The following TBC1D19 variants were observed in gnomAD, a reference collection of about 807,000 sequenced individuals.
TBC1D19 encodes the protein TBC1 domain family member 19.
In TBC1D19, 60 loss-of-function variants were observed where a neutral mutation model predicts 89.0. That is an observed-to-expected ratio of 0.67 (90% CI 0.55 to 0.84). TBC1D19 has a LOEUF of 0.84. Ranked by LOEUF, TBC1D19 falls within the 40% of genes least tolerant of loss-of-function variation. The pLI, the probability that TBC1D19 is intolerant of heterozygous loss-of-function variation, is 0.00. For missense variants in TBC1D19, 500 were observed against 610.8 expected (o/e 0.82, Z 1.91); for synonymous variants, 189 against 199.7 (o/e 0.95, Z 0.45).
chr4:26,669,713 T>A (rs550394069), intron 9 of TBC1D19, among the ~76,000 whole-genome samples: 69 of 151,766 alleles, frequency 4.5e-4, no homozygotes, highest in Non-Finnish European at 9.1e-4. Context: ...TATTAGAAAA[T>A]GAGAATTGGC....
At chr4:26,605,052 A>C (rs1248608484) in intron 1 of TBC1D19, among the ~76,000 whole-genome samples, 1 of 151,628 alleles carries the variant, frequency 6.6e-6, no homozygotes, top group Admixed American at 6.6e-5. Flanking sequence ...TTTTATTTTT[A>C]TTTTTTTATT....
chr4:26,652,398 TA>T lies in TBC1D19; in HGVS notation c.481-7198del, dbSNP rs551439189. Reference sequence around the variant, plus strand: ...TTATTGCCTCAATTTCAGAGCCTGTTATTTTTTTGTTTTTCCTTTTTGTGGA... The same window carrying T: ...TTATTGCCTCAATTTCAGAGCCTGTTTTTTTTTGTTTTTCCTTTTTGTGGA... On this transcript the variant is annotated intron_variant, in intron 7 of 20. Transcript: ENST00000264866. Among the ~76,000 whole-genome samples, 17 of 152,292 alleles carry T rather than the reference TA, an allele frequency of 1.1e-4. No individual in the cohort carries two copies. The South Asian group carries it at 3.1e-3, about 28-fold the overall frequency.
At chr4:26,733,502 G>A (rs961514598) in intron 15 of TBC1D19, among the ~76,000 whole-genome samples, 4 of 151,892 alleles carry the variant, frequency 2.6e-5, no homozygotes, top group East Asian at 1.9e-4. Context: ...TGATAGAACC[G>A]GATGAACCCA....
At chr4:26,838,489 TA>T in the TBC1D19 span, among the ~76,000 whole-genome samples, 4 of 151,074 alleles carry the variant, frequency 2.6e-5, no homozygotes, top group African/African-American at 7.3e-5. Context: ...TTTCTCCCTT[TA>T]AAAAAAAAGC....
the TBC1D19 span, among the ~76,000 whole-genome samples, chr4:26,816,393 T>G: frequency 1.3e-5 from 2 of 152,180 alleles, no homozygotes; most frequent in African/African-American, 2.4e-5. Context: ...AAATAACTGA[T>G]TCTGGCAGAG....
chr4:26,854,726 CT>C, the TBC1D19 span, among the ~76,000 whole-genome samples: 2,579 of 126,034 alleles, frequency 0.02, 79 homozygotes, highest in African/African-American at 0.069. Context: ...AATCTCCAGC[CT>C]TTTTTTTTTT....
rs1470525876 is a variant in TBC1D19 at position 26,683,680 on chromosome 4, C to T, written c.822C>T (p.Val274=). 1 of 1,609,936 alleles carries T rather than the reference C, an allele frequency of 6.2e-7. No individual in the cohort carries two copies. The highest frequency in any genetic ancestry group is 1.7e-5 in the Admixed American group (1 of 59,564). The change falls in exon 12 of 21, where the codon GTC becomes GTT. Residue 274 remains valine, a synonymous_variant. Transcript: ENST00000264866. ...ILNISSQPED[V]LYYEQLKTNV... is the part of the protein sequence containing the mutation. ...TGTTTTACTTTTAAATTTAGGATGT[C>T]TTGTATTATGAGCAGCTTAAGACCA...
the TBC1D19 span, among the ~76,000 whole-genome samples, chr4:26,811,688 T>C: frequency 6.6e-6 from 1 of 152,334 alleles, no homozygotes; most frequent in African/African-American, 2.4e-5. Context: ...TGCCCATTTT[T>C]GTGGTTAATT....
In TBC1D19 at chr4:26,652,273, G is replaced by A. The variant is rs149405525; in HGVS notation, c.481-7324G>A. 8.4e-3 allele frequency among the ~76,000 whole-genome samples: 1,272 copies of A among 151,842 alleles called. 11 individuals carry two copies. Among genetic ancestry groups the A allele is most frequent in the Admixed American group, 0.013 (202 of 15,292 alleles). On this transcript the variant is annotated intron_variant, in intron 7 of 20. Coordinates refer to ENST00000264866, the MANE Select transcript of TBC1D19 (RefSeq NM_018317.4). ...CCCTCTTTTTCTAATGATTGGAATAGTTTCAGAAAGAATGGTACCAGCTCC... is the reference window on the plus strand; with the variant it reads ...CCCTCTTTTTCTAATGATTGGAATAATTTCAGAAAGAATGGTACCAGCTCC...
intron 4 of TBC1D19, among the ~76,000 whole-genome samples, chr4:26,621,941 T>C (rs1742075491): frequency 6.6e-6 from 1 of 152,040 alleles, no homozygotes; most frequent in African/African-American, 2.4e-5. Flanking sequence ...ATGTCCTTTG[T>C]AGGGACATGG....
intron 18 of TBC1D19, among the ~76,000 whole-genome samples, chr4:26,746,436 A>G (rs114628348): frequency 0.023 from 3,452 of 152,152 alleles, 130 homozygotes; most frequent in African/African-American, 0.078. Flanking sequence ...CTATAGTCAA[A>G]TTCTCTGGCT....
chr4:26,618,276 G>T (rs1166702398), intron 3 of TBC1D19, among the ~76,000 whole-genome samples: 1 of 152,174 alleles, frequency 6.6e-6, no homozygotes, highest in East Asian at 1.9e-4. Context: ...AACACGTAAG[G>T]CCGGCATTTA....
chr4:26,637,323 T>A, intron 5 of TBC1D19, 38 bp downstream of exon 5: 1 of 1,421,412 alleles, frequency 7.0e-7, no homozygotes, highest in Non-Finnish European at 9.8e-7. Flanking sequence ...TATTTCATTG[T>A]GAATCAAATA....
At chr4:26,640,809 C>A (rs1331225452) in intron 7 of TBC1D19, among the ~76,000 whole-genome samples, 1 of 152,110 alleles carries the variant, frequency 6.6e-6, no homozygotes, top group Non-Finnish European at 1.5e-5. Flanking sequence ...CACTTCTAGT[C>A]CGAGATCAAA....
At chr4:26,712,962 G>T (rs1371608044) in intron 13 of TBC1D19, among the ~76,000 whole-genome samples, 1 of 151,982 alleles carries the variant, frequency 6.6e-6, no homozygotes, top group Non-Finnish European at 1.5e-5. Context: ...ATCCAAACTG[G>T]TAGCACACAA....
the TBC1D19 span, among the ~76,000 whole-genome samples, chr4:26,812,413 C>T: frequency 1.4e-4 from 22 of 152,314 alleles, no homozygotes; most frequent in Middle Eastern, 3.4e-3. The surrounding 1 kb of genome is among the most constrained non-coding windows in gnomAD (Gnocchi z 4.2). Context: ...ACGATCCCCA[C>T]GGAATTCCAA....
downstream of TBC1D19, among the ~76,000 whole-genome samples, chr4:26,756,691 A>T (rs927325257): frequency 1.3e-5 from 2 of 152,210 alleles, no homozygotes; most frequent in Non-Finnish European, 2.9e-5. Context: ...CAAATGAAGG[A>T]TATTGTTGGT....
chr4:26,850,043 A>G, the TBC1D19 span, among the ~76,000 whole-genome samples: 1 of 152,028 alleles, frequency 6.6e-6, no homozygotes, highest in Non-Finnish European at 1.5e-5. Context: ...ACCTCAAGAC[A>G]GTCTTGAGAT....
the TBC1D19 span, among the ~76,000 whole-genome samples, chr4:26,778,020 G>C: frequency 6.7e-6 from 1 of 149,310 alleles, no homozygotes; most frequent in Non-Finnish European, 1.5e-5. Context: ...ATGCAGTTGC[G>C]TCTCAACCTG....
Sources: gnomAD v4.1 joint callset for allele counts (sites outside exome capture counted in the v4.1 genomes callset) on GRCh38, gnomAD v4.1.1 for gene constraint, Gnocchi (gnomAD v3.1) non-coding constraint, MANE v1.5 for transcripts, NCBI Gene and HGNC (gene_info 2026-07-23, HGNC 2026-07-21) for gene names.